The following LTBP1 variants were observed in gnomAD, a reference collection of about 807,000 sequenced individuals.
The protein encoded by LTBP1 is latent transforming growth factor beta binding protein 1, also known as latent-transforming growth factor beta-binding protein 1.
LTBP1 carries 129 observed loss-of-function variants against 207.6 expected under a neutral mutation model. The ratio of observed to expected loss-of-function variants is 0.62; its 90% confidence interval spans 0.54 to 0.72. LTBP1 has a LOEUF of 0.72. LTBP1 is among the 30% of genes least tolerant of loss of function. LTBP1 has a pLI of 0.00. For synonymous variants in LTBP1, 963 were observed against 833.7 expected (o/e 1.16, Z -2.67); for missense variants, 2,281 against 2,217.2 (o/e 1.03, Z -0.58).
At chr2:33,260,335 C>G (rs1014438661) in intron 13 of LTBP1, among the ~76,000 whole-genome samples, 7 of 152,202 alleles carry the variant, frequency 4.6e-5, no homozygotes, top group African/African-American at 1.7e-4. Context: ...ACTAAATTAT[C>G]GTTGCATTTT....
At chr2:33,287,287 G>T (rs1273360928) in intron 19 of LTBP1, among the ~76,000 whole-genome samples, 2 of 152,158 alleles carry the variant, frequency 1.3e-5, no homozygotes, top group African/African-American at 4.8e-5. Flanking sequence ...AAGTGAATGG[G>T]CTAACTAAAG....
chr2:33,202,036 C>G (rs1316529796), intron 7 of LTBP1, among the ~76,000 whole-genome samples: 2 of 151,330 alleles, frequency 1.3e-5, no homozygotes, highest in East Asian at 3.9e-4. Flanking sequence ...CACACACACA[C>G]ACACACACAC....
intron 5 of LTBP1, among the ~76,000 whole-genome samples, chr2:33,171,470 A>G (rs1290540696): frequency 2.0e-5 from 3 of 150,526 alleles, no homozygotes; most frequent in Non-Finnish European, 3.0e-5. Context: ...AAGAATAAAA[A>G]GAAACGAACA....
At chr2:33,285,017 T>C (rs1558946241) in intron 19 of LTBP1, among the ~76,000 whole-genome samples, 1 of 151,004 alleles carries the variant, frequency 6.6e-6, no homozygotes, top group Non-Finnish European at 1.5e-5. Context: ...CTTGGTAAAG[T>C]AAGTTATGTA....
At position 33,278,102 on chromosome 2, in the gene LTBP1, G is replaced by A. The variant is rs571623984; in HGVS notation, c.2993-1937G>A. On this transcript the variant is annotated intron_variant, in intron 18 of 33. Coordinates refer to ENST00000404816, the MANE Select transcript of LTBP1 (RefSeq NM_206943.4). ...CAGCCTCAGCCTCCCAAAGTGCTGG[G>A]ATTACAGGTGTGAGCTACTGCACCC... Among the ~76,000 whole-genome samples, 4 of 151,910 alleles carry A rather than the reference G, an allele frequency of 2.6e-5. No individual in the cohort carries two copies. The South Asian group carries it at 8.3e-4, about 32-fold the overall frequency.
rs1218533815 is a variant in LTBP1 at position 33,280,066 on chromosome 2, C to T, written c.3020C>T (p.Thr1007Ile). The change falls in exon 19 of 34, where the codon ACT becomes ATT. Residue 1007 changes from threonine to isoleucine, a missense_variant. By Grantham distance (89) the Thr-to-Ile change is moderately conservative. This residue lies in a region of LTBP1 where 1,671 missense variants were observed against 1,634.8 expected (regional missense o/e 1.02). Coordinates refer to ENST00000404816, the MANE Select transcript of LTBP1 (RefSeq NM_206943.4). ...EDIDECLNPSTCPDEQCVNSP... is the reference protein window; with the variant it reads ...EDIDECLNPSICPDEQCVNSP... ...ATTGATGAATGTTTGAATCCAAGCACTTGTCCAGATGAGCAGTGTGTGAAT... is the reference window on the plus strand; with the variant it reads ...ATTGATGAATGTTTGAATCCAAGCATTTGTCCAGATGAGCAGTGTGTGAAT... 6.2e-7 allele frequency: 1 copy of T among 1,614,144 alleles called. No individual in the cohort carries two copies. Among genetic ancestry groups the T allele is most frequent in the South Asian group, 1.1e-5 (1 of 91,062 alleles).
chr2:33,331,941 A>G (rs1559025041), intron 24 of LTBP1, among the ~76,000 whole-genome samples: 1 of 152,154 alleles, frequency 6.6e-6, no homozygotes. Context: ...AAATATGTGT[A>G]TACTATTAAT....
intron 26 of LTBP1, among the ~76,000 whole-genome samples, chr2:33,351,592 C>T (rs1460295498): frequency 2.6e-5 from 4 of 152,220 alleles, no homozygotes; most frequent in Admixed American, 6.5e-5. Flanking sequence ...CTCAACAGAA[C>T]CGTTTTCCAT....
intron 15 of LTBP1, among the ~76,000 whole-genome samples, chr2:33,263,857 G>A (rs143098957): frequency 6.6e-6 from 1 of 151,826 alleles, no homozygotes; most frequent in Non-Finnish European, 1.5e-5. Flanking sequence ...GGAGGCTGAG[G>A]CAGGGGAGTC....
rs746720222 is a variant in LTBP1, at chr2:33,309,549, A to G, written c.3597A>G (p.Thr1199=). Residue 1199 remains threonine, a synonymous_variant, in exon 23 of 34, where the codon ACA becomes ACG. Transcript: ENST00000404816. ...PDGFQLDDNK[T]CQDINECEHP... ...GATTTCAGCTAGATGACAATAAAAC[A>G]TGTCAAGGTATTTCTTGCTCTTTTT... is the stretch of plus-strand genomic sequence containing the variant. The G allele has an allele frequency of 3.7e-6, 6 of 1,604,786 alleles. No homozygotes were observed. Among genetic ancestry groups the G allele is most frequent in the African/African-American group, 1.3e-5 (1 of 74,386 alleles).
intron 31 of LTBP1, among the ~76,000 whole-genome samples, chr2:33,366,172 G>T (rs2094984712): frequency 6.6e-6 from 1 of 152,154 alleles, no homozygotes. Flanking sequence ...TGACCGTTGA[G>T]TTGTGCACTG....
chr2:33,318,931 C>T (rs146818639), intron 24 of LTBP1, among the ~76,000 whole-genome samples: 1 of 151,862 alleles, frequency 6.6e-6, no homozygotes, highest in East Asian at 1.9e-4. Context: ...TCTGTCTCTA[C>T]AAAGAAAAAT....
intron 3 of LTBP1, among the ~76,000 whole-genome samples, chr2:33,067,693 A>T (rs1270899217): frequency 6.6e-6 from 1 of 152,206 alleles, no homozygotes; most frequent in African/African-American, 2.4e-5. Flanking sequence ...TTTAAAATAT[A>T]CAAGAGGATA....
At chr2:32,992,069 C>T (rs957617924) in intron 2 of LTBP1, among the ~76,000 whole-genome samples, 1 of 152,138 alleles carries the variant, frequency 6.6e-6, no homozygotes, top group South Asian at 2.1e-4. Flanking sequence ...GTGTGCTTCT[C>T]TCCGATAAGA....
At chr2:33,131,147 C>T (rs1295785531) in intron 4 of LTBP1, among the ~76,000 whole-genome samples, 3 of 152,176 alleles carry the variant, frequency 2.0e-5, no homozygotes, top group Non-Finnish European at 4.4e-5. Context: ...ACCCTTGCCC[C>T]ATGCTTCGGG....
chr2:33,329,286 T>C lies in LTBP1; in HGVS notation c.3731-13552T>C, dbSNP rs77441794. Among the ~76,000 whole-genome samples the C allele has an allele frequency of 4.3e-3, 656 of 152,334 alleles. 4 individuals are homozygous for C. The highest frequency in any genetic ancestry group is 0.015 in the African/African-American group (626 of 41,580). ...TCTTTAACAACTTATCATACCTTTATTGGCCCTTTGGATATTGTTTCTGTT... is the reference window on the plus strand; with the variant it reads ...TCTTTAACAACTTATCATACCTTTACTGGCCCTTTGGATATTGTTTCTGTT... On this transcript the variant is annotated intron_variant, in intron 24 of 33. Coordinates refer to ENST00000404816, the MANE Select transcript of LTBP1 (RefSeq NM_206943.4).
chr2:33,254,038 C>T (rs929291658), intron 11 of LTBP1, among the ~76,000 whole-genome samples: 2 of 151,638 alleles, frequency 1.3e-5, no homozygotes, highest in Non-Finnish European at 2.9e-5. Context: ...TACAGGCACC[C>T]ACCACCACGC....
intron 7 of LTBP1, among the ~76,000 whole-genome samples, chr2:33,215,862 C>T (rs558820179): frequency 3.9e-5 from 6 of 152,052 alleles, no homozygotes; most frequent in South Asian, 4.2e-4. Context: ...ACTAGAGGCA[C>T]GCACCACCAC....
intron 24 of LTBP1, among the ~76,000 whole-genome samples, chr2:33,329,140 T>A (rs138087083): frequency 6.6e-6 from 1 of 152,212 alleles, no homozygotes; most frequent in Non-Finnish European, 1.5e-5. Flanking sequence ...AGCAAAGGGT[T>A]AAGAGTCTCA....
Sources: gnomAD v4.1 joint callset for allele counts (sites outside exome capture counted in the v4.1 genomes callset) on GRCh38, gnomAD v4.1.1 for gene constraint, gnomAD v4.1.1 regional missense constraint, MANE v1.5 for transcripts, NCBI Gene and HGNC (gene_info 2026-07-23, HGNC 2026-07-21) for gene names.